NIN: variants seen among roughly 807,000 people sequenced by gnomAD.
The protein encoded by NIN is glycogen synthase kinase 3 beta-interacting protein.
A neutral mutation model predicts 257.6 loss-of-function variants in NIN; 137 were observed. That is an observed-to-expected ratio of 0.53 (90% CI 0.46 to 0.61). The LOEUF is 0.61. Among genes scored for constraint, NIN ranks in the 20% least tolerant of loss-of-function variants. The pLI is 0.00. For synonymous variants in NIN, 918 were observed against 919.8 expected (o/e 1.00, Z 0.04); for missense variants, 2,439 against 2,501.2 (o/e 0.98, Z 0.53).
At chr14:50,743,296 T>C (rs1016211514) in intron 24 of NIN, 120 bp downstream of exon 24, 13 of 670,802 alleles carry the variant, frequency 1.9e-5, no homozygotes, top group Admixed American at 1.4e-4. Flanking sequence ...ATTGGTCAAA[T>C]TGAATCATTT....
intron 18 of NIN, among the ~76,000 whole-genome samples, chr14:50,755,566 T>C (rs2041982124): frequency 6.6e-6 from 1 of 151,834 alleles, no homozygotes; most frequent in East Asian, 1.9e-4. Flanking sequence ...CTTGTATCTC[T>C]GCTTTTCAAG....
intron 7 of NIN, among the ~76,000 whole-genome samples, chr14:50,773,570 G>A (rs933274145): frequency 1.3e-5 from 2 of 152,192 alleles, no homozygotes; most frequent in Non-Finnish European, 1.5e-5. Flanking sequence ...AATTTGGTCT[G>A]GGACAGATTA....
rs1438262258 is a variant in NIN, at chr14:50,721,322, A to G, written c.*2141T>C. ...TACATTCATTGTACATTTTATATACACATAAATACAAATTTATAGGAAATA... is the reference window on the plus strand; with the variant it reads ...TACATTCATTGTACATTTTATATACGCATAAATACAAATTTATAGGAAATA... On this transcript the variant is annotated 3_prime_UTR_variant, in exon 31 of 31. Coordinates refer to ENST00000530997, the MANE Select transcript of NIN (RefSeq NM_020921.4). The G allele has an allele frequency of 9.7e-6, 2 of 206,246 alleles. No individual in the cohort carries two copies. Among genetic ancestry groups the G allele is most frequent in the African/African-American group, 4.6e-5 (2 of 43,846 alleles). The allele number at this position is 206,246 out of a possible 1,614,324, so 12.8% of individuals were successfully genotyped here.
intron 22 of NIN, among the ~76,000 whole-genome samples, chr14:50,745,825 CAGAT>C (rs899992965): frequency 1.3e-5 from 2 of 152,086 alleles, no homozygotes; most frequent in Non-Finnish European, 2.9e-5. Context: ...ATAGATAACA[CAGAT>C]AGAAGTGCTT....
chr14:50,739,318 G>A lies in NIN; in HGVS notation c.5618C>T (p.Ser1873Phe), dbSNP rs760955166. 1.9e-6 allele frequency: 3 copies of A among 1,613,986 alleles called. No individual in the cohort carries two copies. In the South Asian group the frequency reaches 3.3e-5, roughly 18 times the overall value. ...VQNTKAELTH[S>F]REKVRQLESN... ...AGCTTCTCCAATTACCTTCTCCCGG[G>A]AGTGCGTGAGTTCGGCTTTGGTGTT... is the stretch of plus-strand genomic sequence containing the variant. Residue 1873 changes from serine (S) to phenylalanine (F), a missense_variant, in exon 26 of 31, where the codon TCC becomes TTC. Transcript: ENST00000530997.
chr14:50,720,348 T>C lies in NIN; in HGVS notation c.*3115A>G. ...TAAGATGCTGACAATAGCAACAATTTCTCCTTTCCTTCACTCAGCAAAAGA... is the reference window on the plus strand; with the variant it reads ...TAAGATGCTGACAATAGCAACAATTCCTCCTTTCCTTCACTCAGCAAAAGA... On this transcript the variant is annotated 3_prime_UTR_variant, in exon 31 of 31. Coordinates refer to ENST00000530997, the MANE Select transcript of NIN (RefSeq NM_020921.4). The C allele has an allele frequency of 4.6e-6, 1 of 218,734 alleles. No homozygotes were observed. The allele number at this position is 218,734 out of a possible 1,614,324, so 13.5% of individuals were successfully genotyped here.
At chr14:50,746,503 G>A (rs932290387) in intron 22 of NIN, among the ~76,000 whole-genome samples, 6 of 152,106 alleles carry the variant, frequency 3.9e-5, no homozygotes, top group Non-Finnish European at 8.8e-5. Flanking sequence ...AAAGCAAGAC[G>A]CATAGGAGTC....
intron 10 of NIN, 51 bp from the exon 11 acceptor site, chr14:50,771,043 G>A (rs901527965): frequency 6.3e-7 from 1 of 1,582,988 alleles, no homozygotes; most frequent in African/African-American, 1.4e-5. Flanking sequence ...TAAGCAACAA[G>A]TAGACCCAGA....
chr14:50,725,964 G>C lies in NIN; in HGVS notation c.6181C>G (p.Leu2061Val). The change falls in exon 30 of 31, where the codon CTC (leucine) becomes GTC (valine). Residue 2061 changes from leucine (L) to valine (V), a missense_variant. Physicochemically the swap from Leu to Val is conservative, Grantham distance 32. Around this residue, in one of 3 missense-constraint regions of NIN, gnomAD observed 2,043 missense variants for 2,050.2 expected, o/e 1.00. Transcript: ENST00000530997. ...CCGGGTAGGCTCACTTGTTCTTTGA[G>C]CTGATTCACTTTCTCTTGAAGAAGC... ...KRLLQEKVNQ[L>V]KEQLCKNTKA... 1 of 1,614,104 alleles carries C rather than the reference G, an allele frequency of 6.2e-7. No homozygotes were observed. The highest frequency in any genetic ancestry group is 8.5e-7 in the Non-Finnish European group (1 of 1,179,978).
intron 22 of NIN, among the ~76,000 whole-genome samples, chr14:50,746,317 T>C (rs1040701414): frequency 6.6e-6 from 1 of 152,218 alleles, no homozygotes; most frequent in Non-Finnish European, 1.5e-5. Flanking sequence ...CCCCATGAGT[T>C]TTAACTTCTG....
At position 50,735,585 on chromosome 14, in the gene NIN, T is replaced by C; in HGVS notation, c.5808A>G (p.Leu1936=). Residue 1936 remains leucine (L), a synonymous_variant, in exon 28 of 31, where the codon TTA becomes TTG. Transcript: ENST00000530997. ...VSQMNSLEQE[L]ETIHLENEGL... is the part of the protein sequence containing the mutation. ...CTTCATTTTCCAAATGAATTGTTTC[T>C]AATTCTTGTTCAAGGGAATTCATCT... 1 of 1,612,496 alleles carries C rather than the reference T, an allele frequency of 6.2e-7. No individual in the cohort carries two copies. Among genetic ancestry groups the C allele is most frequent in the Non-Finnish European group, 8.5e-7 (1 of 1,179,998 alleles).
chr14:50,765,784 G>A (rs1381046769), intron 14 of NIN, among the ~76,000 whole-genome samples: 1 of 148,124 alleles, frequency 6.8e-6, no homozygotes, highest in Non-Finnish European at 1.5e-5. Flanking sequence ...GATTAGATCT[G>A]CAATGATCAA....
intron 28 of NIN, among the ~76,000 whole-genome samples, chr14:50,731,873 C>T (rs545402405): frequency 6.6e-6 from 1 of 152,244 alleles, no homozygotes; most frequent in African/African-American, 2.4e-5. Flanking sequence ...CAGAATGGAT[C>T]TGATGTTAAA....
At chr14:50,744,162 C>A in intron 23 of NIN, 81 bp downstream of exon 23, 1 of 1,461,686 alleles carries the variant, frequency 6.8e-7, no homozygotes, top group Non-Finnish European at 9.4e-7. Context: ...ACAGGAGGCC[C>A]CTGTGCCACT....
chr14:50,731,058 A>G, intron 28 of NIN: 1 of 630,402 alleles, frequency 1.6e-6, no homozygotes, highest in Non-Finnish European at 2.6e-6. Flanking sequence ...ATGAGTAATA[A>G]AAAGAGAAAG....
intron 28 of NIN, chr14:50,731,028 T>C (rs1458087324): frequency 1.0e-6 from 1 of 979,480 alleles, no homozygotes; most frequent in Non-Finnish European, 1.4e-6. Flanking sequence ...AAGAGAAAAT[T>C]ACAGGAGTTA....
At position 50,722,839 on chromosome 14, in the gene NIN, G is replaced by A. The variant is rs1397652525; in HGVS notation, c.*624C>T. 3.3e-5 allele frequency: 7 copies of A among 211,028 alleles called. No individual in the cohort carries two copies. The Admixed American group carries it at 4.1e-4, about 12-fold the overall frequency. 13.1% of individuals were successfully genotyped at this position (211,028 alleles called of 1,614,324 possible). ...GTTAAGAGTGCAATTGAGTAAATCA[G>A]TTCTAAATCTATAATACAAGAAGAG... On this transcript the variant is annotated 3_prime_UTR_variant, in exon 31 of 31. Coordinates refer to ENST00000530997, the MANE Select transcript of NIN (RefSeq NM_020921.4).
At chr14:50,743,559 G>A in intron 23 of NIN, 30 bp from the exon 24 acceptor site, 1 of 1,420,678 alleles carries the variant, frequency 7.0e-7, no homozygotes, top group Non-Finnish European at 1.0e-6. Flanking sequence ...AGAGGTAAGA[G>A]GGCATTTTTG....
chr14:50,811,270 A>G (rs951253969), intron 3 of NIN, among the ~76,000 whole-genome samples: 2 of 151,570 alleles, frequency 1.3e-5, no homozygotes, highest in Admixed American at 1.3e-4. Flanking sequence ...CACCACGCCC[A>G]GCTAATTTTT....
Sources: gnomAD v4.1 joint callset for allele counts (sites outside exome capture counted in the v4.1 genomes callset) on GRCh38, gnomAD v4.1.1 for gene constraint, gnomAD v4.1.1 regional missense constraint, MANE v1.5 for transcripts, NCBI Gene and HGNC (gene_info 2026-07-23, HGNC 2026-07-21) for gene names.